Variants in CC2D2A observed in about 807,000 individuals in gnomAD.
CC2D2A encodes coiled-coil and C2 domain-containing protein 2A.
Under a neutral mutation model 212.9 loss-of-function variants are expected in CC2D2A, and 155 were observed. The observed-to-expected ratio is 0.73, with a 90% CI of 0.64 to 0.83. CC2D2A has a LOEUF of 0.83. CC2D2A is among the 40% of genes least tolerant of loss of function. CC2D2A has a pLI of 0.00. For synonymous variants in CC2D2A, 667 were observed against 686.5 expected (o/e 0.97, Z 0.44); for missense variants, 1,856 against 1,956.2 (o/e 0.95, Z 0.97).
chr4:15,573,210 A>G (rs1475008765), intron 28 of CC2D2A, among the ~76,000 whole-genome samples: 4 of 152,228 alleles, frequency 2.6e-5, no homozygotes, highest in Admixed American at 1.3e-4. Context: ...ATCTTCAAAA[A>G]TGGCACACAT....
At chr4:15,493,604 CTCCT>C (rs1407524007) in intron 4 of CC2D2A, among the ~76,000 whole-genome samples, 1 of 152,146 alleles carries the variant, frequency 6.6e-6, no homozygotes, top group Non-Finnish European at 1.5e-5. Flanking sequence ...TCACCCCTCC[CTCCT>C]GGCCCTCCTT....
At chr4:15,528,558 C>A in intron 12 of CC2D2A, 62 bp from the exon 13 acceptor site, 1 of 1,376,202 alleles carries the variant, frequency 7.3e-7, no homozygotes. Flanking sequence ...TGGGTGGGTC[C>A]AGTTGCACTG....
intron 4 of CC2D2A, among the ~76,000 whole-genome samples, chr4:15,484,892 A>G (rs193280026): frequency 6.6e-6 from 1 of 152,130 alleles, no homozygotes; most frequent in East Asian, 1.9e-4. Context: ...GGATTCCTTG[A>G]TCTTTTATCT....
chr4:15,511,842 C>T (rs752058538), intron 8 of CC2D2A, among the ~76,000 whole-genome samples: 2 of 152,134 alleles, frequency 1.3e-5, no homozygotes, highest in Non-Finnish European at 1.5e-5. Flanking sequence ...GGCTACAACT[C>T]AAATTCTGCA....
chr4:15,504,897 A>G (rs1233090810), intron 6 of CC2D2A, among the ~76,000 whole-genome samples: 1 of 152,258 alleles, frequency 6.6e-6, no homozygotes, highest in African/African-American at 2.4e-5. Flanking sequence ...ATCAAAAAAT[A>G]TAGCACATGA....
intron 36 of CC2D2A, among the ~76,000 whole-genome samples, chr4:15,600,903 C>CAAAAAAAAAA (rs5856308): frequency 1.6e-4 from 15 of 92,940 alleles, no homozygotes; most frequent in East Asian, 2.6e-4. Context: ...AGACCTGTCT[C>CAAAAAAAAAA]AAAAAAAAAA....
At chr4:15,474,566 A>G (rs1714049435) in intron 1 of CC2D2A, among the ~76,000 whole-genome samples, 1 of 152,220 alleles carries the variant, frequency 6.6e-6, no homozygotes, top group African/African-American at 2.4e-5. Flanking sequence ...ATTTAATTGT[A>G]CATTTAAAAA....
At position 15,559,149 on chromosome 4, in the gene CC2D2A, C is replaced by T; in HGVS notation, c.2830-16C>T. ...CCAGAGAGTGCTTTAAAATCATTGCCTCTTTTTAATTTTAGGACTATGAGA... is the reference window on the plus strand; with the variant it reads ...CCAGAGAGTGCTTTAAAATCATTGCTTCTTTTTAATTTTAGGACTATGAGA... On this transcript the variant is annotated splice_polypyrimidine_tract_variant and intron_variant, in intron 21 of 36. Coordinates refer to ENST00000424120, the MANE Select transcript of CC2D2A (RefSeq NM_001378615.1). 1 of 1,475,932 alleles carries T rather than the reference C, an allele frequency of 6.8e-7. No individual in the cohort carries two copies. Among genetic ancestry groups the T allele is most frequent in the Non-Finnish European group, 9.2e-7 (1 of 1,085,628 alleles). 91.4% of individuals were successfully genotyped at this position (1,475,932 alleles called of 1,614,324 possible).
At chr4:15,596,662 G>A (rs189382211) in intron 34 of CC2D2A, among the ~76,000 whole-genome samples, 18 of 152,282 alleles carry the variant, frequency 1.2e-4, no homozygotes, top group African/African-American at 4.3e-4. Flanking sequence ...ATAGATATAT[G>A]TATGTGTGTA....
Position 15,533,337 on chromosome 4 carries a change from G to C in CC2D2A, c.1607+4G>C. 6.5e-7 allele frequency: 1 copy of C among 1,527,202 alleles called. No homozygotes were observed. The highest frequency in any genetic ancestry group is 2.4e-5 in the East Asian group (1 of 41,264). 94.6% of individuals were successfully genotyped at this position (1,527,202 alleles called of 1,614,324 possible). A position where few individuals can be genotyped will look rare whatever the true frequency, so the allele number is the denominator to read the frequency against. ...CCTTGAAACTTGTTTTGAGAAAGTA[G>C]GCTTTTTTGAAAAATTATTTTATTG... On this transcript the variant is annotated splice_donor_region_variant and intron_variant, in intron 14 of 36. Transcript: ENST00000424120.
intron 14 of CC2D2A, 40 bp downstream of exon 14, chr4:15,533,373 T>C (rs186423443): frequency 2.9e-6 from 4 of 1,383,376 alleles, no homozygotes; most frequent in East Asian, 2.6e-5. Context: ...GGCTATATCA[T>C]ACATTAAGAA....
intron 36 of CC2D2A, 92 bp from the exon 37 acceptor site, chr4:15,601,145 G>C: frequency 1.4e-6 from 1 of 691,362 alleles, no homozygotes; most frequent in South Asian, 2.0e-5. Flanking sequence ...CTGAGATCCA[G>C]AACACTTATC....
At chr4:15,576,377 A>C in intron 29 of CC2D2A, 1 of 984,882 alleles carries the variant, frequency 1.0e-6, no homozygotes, top group Non-Finnish European at 1.2e-6. Context: ...TTCCTGGATT[A>C]GCAGATTAGA....
At chr4:15,570,127 G>A (rs1442184338) in intron 27 of CC2D2A, among the ~76,000 whole-genome samples, 1 of 152,140 alleles carries the variant, frequency 6.6e-6, no homozygotes, top group Non-Finnish European at 1.5e-5. Context: ...AATTGTACTA[G>A]GTGCTTTACG....
intron 23 of CC2D2A, among the ~76,000 whole-genome samples, 168 bp from the exon 24 acceptor site, chr4:15,563,187 G>C (rs1294342043): frequency 6.6e-6 from 1 of 152,184 alleles, no homozygotes; most frequent in African/African-American, 2.4e-5. Flanking sequence ...CATGCAGTAG[G>C]ATCTCGCCCA....
At chr4:15,485,820 A>G (rs527905238) in intron 4 of CC2D2A, among the ~76,000 whole-genome samples, 2 of 152,174 alleles carry the variant, frequency 1.3e-5, no homozygotes, top group East Asian at 3.9e-4. Flanking sequence ...GAGATTATTT[A>G]TGTTTTATCT....
At chr4:15,508,928 T>C (rs144078621) in intron 6 of CC2D2A, among the ~76,000 whole-genome samples, 3 of 152,312 alleles carry the variant, frequency 2.0e-5, no homozygotes, top group African/African-American at 7.2e-5. Context: ...TCAAAATTGC[T>C]TGACATTTAG....
intron 14 of CC2D2A, among the ~76,000 whole-genome samples, chr4:15,535,821 G>A (rs191200453): frequency 6.6e-5 from 10 of 152,222 alleles, no homozygotes; most frequent in Admixed American, 1.3e-4. Context: ...AATGGATTAC[G>A]AAGCTTAACT....
chr4:15,481,237 G>C (rs561394098), intron 4 of CC2D2A: 4 of 455,062 alleles, frequency 8.8e-6, no homozygotes, highest in Non-Finnish European at 1.8e-5. Context: ...GGCCAGGCAC[G>C]GTGACTCACG....
Sources: gnomAD v4.1 joint callset for allele counts (sites outside exome capture counted in the v4.1 genomes callset) on GRCh38, gnomAD v4.1.1 for gene constraint, MANE v1.5 for transcripts, NCBI Gene and HGNC (gene_info 2026-07-23, HGNC 2026-07-21) for gene names.